TRPC4: variants seen among roughly 807,000 people sequenced by gnomAD.
The protein encoded by TRPC4 is short transient receptor potential channel 4.
A neutral mutation model predicts 99.4 loss-of-function variants in TRPC4; 49 were observed. The observed-to-expected ratio is 0.49, with a 90% confidence interval of 0.39 to 0.63. TRPC4 has a LOEUF of 0.63. Ranked by LOEUF, TRPC4 falls within the 20% of genes least tolerant of loss-of-function variation. TRPC4 has a pLI of 0.00. For missense variants in TRPC4, 898 were observed against 1,152.9 expected (o/e 0.78, Z 3.20); for synonymous variants, 454 against 425.9 (o/e 1.07, Z -0.81).
intron 2 of TRPC4, among the ~76,000 whole-genome samples, chr13:37,748,913 T>C (rs1955858280): frequency 1.3e-5 from 2 of 152,144 alleles, no homozygotes; most frequent in African/African-American, 4.8e-5. Flanking sequence ...GTTTGTTGAA[T>C]GGTCAATTGG....
rs17056326 is a variant in TRPC4 at position 37,632,874 on chromosome 13, T to C, written c.*4029A>G. Among the ~76,000 whole-genome samples, 1,165 of 152,278 alleles carry C rather than the reference T, an allele frequency of 7.7e-3. 13 individuals are homozygous for C. The highest frequency in any genetic ancestry group is 0.026 in the African/African-American group (1,075 of 41,546). On this transcript the variant is annotated 3_prime_UTR_variant, in exon 11 of 11. Transcript: ENST00000379705. Reference sequence around the variant, plus strand: ...TTAATTCTGAATTTTAACTTGAATGTTTGGACAACTATATTTTCTACAAGG... The same window carrying C: ...TTAATTCTGAATTTTAACTTGAATGCTTGGACAACTATATTTTCTACAAGG...
intron 1 of TRPC4, among the ~76,000 whole-genome samples, chr13:37,790,579 C>G (rs1566173618): frequency 6.6e-6 from 1 of 152,130 alleles, no homozygotes; most frequent in Non-Finnish European, 1.5e-5. Context: ...AAGCAGCTCC[C>G]TTATTAAATA....
At chr13:37,661,246 T>A (rs1051917212) in intron 6 of TRPC4, among the ~76,000 whole-genome samples, 1 of 152,210 alleles carries the variant, frequency 6.6e-6, no homozygotes, top group Non-Finnish European at 1.5e-5. Flanking sequence ...ATATTAAGCA[T>A]TTTACATCAT....
chr13:37,834,167 C>T (rs9603263), intron 1 of TRPC4, among the ~76,000 whole-genome samples: 19,684 of 151,868 alleles, frequency 0.13, 1,649 homozygotes, highest in Non-Finnish European at 0.18. Context: ...TCACTTAAAA[C>T]ATAAACACTG....
In TRPC4 at chr13:37,698,720, C is replaced by A. The variant is rs1190558905; in HGVS notation, c.898-6385G>T. Among the ~76,000 whole-genome samples, 5 of 152,242 alleles carry A rather than the reference C, an allele frequency of 3.3e-5. No homozygotes were observed. The East Asian group carries it at 9.7e-4, about 29-fold the overall frequency. ...CAATAATCTCCACCAAATCACTGAA[C>A]TCTTGTGCAAGTGGAAAAGCCGAAC... On this transcript the variant is annotated intron_variant, in intron 3 of 10. Transcript: ENST00000379705.
At chr13:37,801,969 A>C (rs1254153866) in intron 1 of TRPC4, among the ~76,000 whole-genome samples, 1 of 152,160 alleles carries the variant, frequency 6.6e-6, no homozygotes, top group East Asian at 1.9e-4. Flanking sequence ...GAAGTTCTAG[A>C]CTTACATATA....
rs1959138773 is a variant in TRPC4 at position 37,854,607 on chromosome 13, G to T, written c.-28+14988C>A. On this transcript the variant is annotated intron_variant, in intron 1 of 10. Transcript: ENST00000379705. Reference sequence around the variant, plus strand: ...AACAATAGAAAGTTAAAAAGCAGAGGAATAAAGCTAAGTGTGGAGTTTTTA... The same window carrying T: ...AACAATAGAAAGTTAAAAAGCAGAGTAATAAAGCTAAGTGTGGAGTTTTTA... Among the ~76,000 whole-genome samples, 4 of 151,982 alleles carry T rather than the reference G, an allele frequency of 2.6e-5. No individual in the cohort carries two copies. The South Asian group carries it at 8.3e-4, about 32-fold the overall frequency.
intron 2 of TRPC4, among the ~76,000 whole-genome samples, chr13:37,779,428 A>T (rs1956783493): frequency 6.6e-6 from 1 of 151,926 alleles, no homozygotes; most frequent in African/African-American, 2.4e-5. Flanking sequence ...TCATTAAAAA[A>T]AAAAACCCAA....
intron 8 of TRPC4, among the ~76,000 whole-genome samples, chr13:37,642,147 GATAGAGTAAGAGA>G (rs1224065999): frequency 6.6e-6 from 1 of 152,174 alleles, no homozygotes; most frequent in East Asian, 1.9e-4. Context: ...GCATGTAAGT[GATAGAGTAAGAGA>G]ATACTTCTGG....
chr13:37,655,713 A>G (rs1039056921), intron 6 of TRPC4, among the ~76,000 whole-genome samples: 1 of 152,094 alleles, frequency 6.6e-6, no homozygotes, highest in South Asian at 2.1e-4. Context: ...ATTCTCATTC[A>G]TTTATGCATT....
intron 6 of TRPC4, among the ~76,000 whole-genome samples, chr13:37,657,358 C>G (rs1432201712): frequency 1.3e-5 from 2 of 152,190 alleles, no homozygotes; most frequent in African/African-American, 4.8e-5. Context: ...TGGCCCTAGA[C>G]AAAGGCCACT....
intron 3 of TRPC4, among the ~76,000 whole-genome samples, chr13:37,720,155 C>G (rs561660204): frequency 3.1e-4 from 47 of 152,082 alleles, no homozygotes; most frequent in Non-Finnish European, 4.7e-4. Context: ...ACGCCAAGAT[C>G]TCAATTTTAG....
At chr13:37,661,833 G>A (rs1952451963) in intron 6 of TRPC4, among the ~76,000 whole-genome samples, 2 of 152,070 alleles carry the variant, frequency 1.3e-5, no homozygotes, top group Admixed American at 1.3e-4. Context: ...GGGCGGGGGA[G>A]GAAGAGAAGT....
intron 1 of TRPC4, among the ~76,000 whole-genome samples, chr13:37,813,624 A>C (rs1224282079): frequency 6.6e-6 from 1 of 151,980 alleles, no homozygotes; most frequent in Non-Finnish European, 1.5e-5. Flanking sequence ...TAGATGAACT[A>C]GATGAGTAGA....
intron 2 of TRPC4, among the ~76,000 whole-genome samples, chr13:37,759,311 A>AT (rs1299577616): frequency 1.3e-5 from 2 of 151,634 alleles, no homozygotes; most frequent in Non-Finnish European, 3.0e-5. Flanking sequence ...AGGCAACAAA[A>AT]TTTTTTTTGT....
In TRPC4 at chr13:37,634,686, G is replaced by A. The variant is rs1262569338; in HGVS notation, c.*2217C>T. On this transcript the variant is annotated 3_prime_UTR_variant, in exon 11 of 11. Transcript: ENST00000379705. ...GTTATGTATAGTGTCCTTACTTTGG[G>A]AAAAAACAAAATAAAACAACAACGC... 6.6e-6 allele frequency among the ~76,000 whole-genome samples: 1 copy of A among 151,844 alleles called. No homozygotes were observed. The highest frequency in any genetic ancestry group is 1.9e-4 in the East Asian group (1 of 5,184).
intron 3 of TRPC4, among the ~76,000 whole-genome samples, chr13:37,728,827 C>A (rs895109963): frequency 1.6e-4 from 24 of 152,070 alleles, no homozygotes; most frequent in Middle Eastern, 3.4e-3. Flanking sequence ...GCAAAAAAAA[C>A]CAGACATAAT....
intron 4 of TRPC4, among the ~76,000 whole-genome samples, chr13:37,675,926 C>T (rs949358315): frequency 1.3e-5 from 2 of 152,126 alleles, no homozygotes; most frequent in African/African-American, 4.8e-5. Context: ...CAGGGAAGAT[C>T]AAAAGCTGTA....
At chr13:37,664,477 G>A (rs1297605994) in intron 5 of TRPC4, among the ~76,000 whole-genome samples, 1 of 152,076 alleles carries the variant, frequency 6.6e-6, no homozygotes, top group Non-Finnish European at 1.5e-5. Context: ...GGGAGGCTGA[G>A]GCAGGAGAAT....
Sources: gnomAD v4.1 joint callset for allele counts (sites outside exome capture counted in the v4.1 genomes callset) on GRCh38, gnomAD v4.1.1 for gene constraint, MANE v1.5 for transcripts, NCBI Gene and HGNC (gene_info 2026-07-23, HGNC 2026-07-21) for gene names.